DLGAP2: variants seen among roughly 807,000 people sequenced by gnomAD.
DLGAP2 encodes the protein DLG associated protein 2.
DLGAP2 carries 26 observed loss-of-function variants against 100.3 expected under a neutral mutation model. That is an observed-to-expected ratio of 0.26 (90% confidence interval 0.19 to 0.36). The LOEUF is 0.36. Ranked by LOEUF, DLGAP2 falls within the 10% of genes least tolerant of loss-of-function variation. DLGAP2 has a pLI of 1.00. For synonymous variants in DLGAP2, 886 were observed against 630.1 expected, an observed-to-expected ratio of 1.41 and a Z score of -6.08; for missense variants, 1,858 against 1,453.2, an observed-to-expected ratio of 1.28 and a Z score of -4.53.
rs79787380 is a variant in DLGAP2, at chr8:1,618,327, T to C, written c.1443-8413T>C. ...ATTTCTGTAGACCCATAATGAATAATTGGAAAATGCAGTTAGTTTTAAACA... is the reference window on the plus strand; with the variant it reads ...ATTTCTGTAGACCCATAATGAATAACTGGAAAATGCAGTTAGTTTTAAACA... On this transcript the variant is annotated intron_variant, in intron 6 of 14. Transcript: ENST00000637795. Among the ~76,000 whole-genome samples, 1,432 of 152,282 alleles carry C rather than the reference T, an allele frequency of 9.4e-3. 20 individuals carry two copies. Among genetic ancestry groups the C allele is most frequent in the African/African-American group, 0.033 (1,361 of 41,560 alleles).
intron 3 of DLGAP2, among the ~76,000 whole-genome samples, chr8:1,261,121 T>C (rs1799339568): frequency 1.3e-5 from 2 of 151,066 alleles, no homozygotes; most frequent in South Asian, 4.2e-4. Context: ...TCCAGATCTT[T>C]AAAACCAGAC....
chr8:1,330,118 G>A (rs985896906), intron 3 of DLGAP2, among the ~76,000 whole-genome samples: 2 of 152,210 alleles, frequency 1.3e-5, no homozygotes, highest in African/African-American at 2.4e-5. Flanking sequence ...TTGCCCCTGC[G>A]AGAGGTGTGG....
At chr8:1,304,932 G>C (rs1338348040) in intron 3 of DLGAP2, among the ~76,000 whole-genome samples, 1 of 152,188 alleles carries the variant, frequency 6.6e-6, no homozygotes, top group East Asian at 1.9e-4. Context: ...TCGTGCATAA[G>C]GTAATCATAT....
chr8:848,764 G>A (rs1357530664), intron 1 of DLGAP2, among the ~76,000 whole-genome samples: 2 of 147,300 alleles, frequency 1.4e-5, no homozygotes, highest in African/African-American at 5.1e-5. Flanking sequence ...GTCGTGCGGT[G>A]CGTGTTCCAG....
At chr8:816,891 C>T (rs1796490282) in intron 1 of DLGAP2, among the ~76,000 whole-genome samples, 1 of 152,172 alleles carries the variant, frequency 6.6e-6, no homozygotes, top group South Asian at 2.1e-4. Context: ...TCCCAAACTT[C>T]TTAGAGGCTT....
rs2130903343 is a variant in DLGAP2, at chr8:1,706,692, ATGAGGAGAT to A, written c.*5287_*5295del. 1 of 152,334 alleles carries A rather than the reference ATGAGGAGAT, an allele frequency of 6.6e-6. No individual in the cohort carries two copies. The highest frequency in any genetic ancestry group is 1.9e-4 in the East Asian group (1 of 5,184). 9.4% of individuals were successfully genotyped at this position (152,334 alleles called of 1,614,324 possible). ...TAAGCTCAATCGCCTCTTAGATGAA[ATGAGGAGAT>A]AAACTAAACATTAAAATGATGAAGG... On this transcript the variant is annotated 3_prime_UTR_variant, in exon 15 of 15. Transcript: ENST00000637795.
chr8:1,044,009 C>T (rs139849510), intron 2 of DLGAP2, among the ~76,000 whole-genome samples: 35 of 152,158 alleles, frequency 2.3e-4, no homozygotes, highest in East Asian at 7.8e-4. Flanking sequence ...TCCCAAAGGA[C>T]GGAGCACAAA....
intron 3 of DLGAP2, among the ~76,000 whole-genome samples, chr8:1,411,833 G>GCT (rs1434321720): frequency 6.6e-6 from 1 of 152,198 alleles, no homozygotes; most frequent in Non-Finnish European, 1.5e-5. Flanking sequence ...TCCCTAATCA[G>GCT]CTCTGCCCTC....
chr8:1,433,290 G>A (rs1243704115), intron 3 of DLGAP2, among the ~76,000 whole-genome samples: 1 of 152,198 alleles, frequency 6.6e-6, no homozygotes, highest in Non-Finnish European at 1.5e-5. Flanking sequence ...TACATGTTCC[G>A]AAACAACCCC....
At chr8:1,297,465 C>A (rs527478324) in intron 3 of DLGAP2, among the ~76,000 whole-genome samples, 1 of 151,834 alleles carries the variant, frequency 6.6e-6, no homozygotes, top group South Asian at 2.1e-4. Context: ...AGGTGGCATG[C>A]GTGAACAGAC....
chr8:1,534,040 ATTC>A (rs1398165208), intron 4 of DLGAP2, among the ~76,000 whole-genome samples: 2 of 152,194 alleles, frequency 1.3e-5, no homozygotes, highest in African/African-American at 4.8e-5. Flanking sequence ...TAAAACAAGC[ATTC>A]TTCTTTTGCT....
chr8:1,254,489 C>G (rs1448372477), intron 2 of DLGAP2, among the ~76,000 whole-genome samples: 3 of 152,086 alleles, frequency 2.0e-5, no homozygotes, highest in Non-Finnish European at 2.9e-5. Context: ...TCCTCGGAGC[C>G]TCTAGTTTGG....
rs1183165121 is a variant in DLGAP2 at position 1,384,469 on chromosome 8, C to T, written c.107-116897C>T. Among the ~76,000 whole-genome samples, 4 of 78,404 alleles carry T rather than the reference C, an allele frequency of 5.1e-5. 1 individual carries two copies. In the South Asian group the frequency reaches 1.9e-3, roughly 38 times the overall value. The allele number at this position is 78,404 out of a possible 152,430, so 51.4% of individuals were successfully genotyped here. A position where few individuals can be genotyped will look rare whatever the true frequency, so the allele number is the denominator to read the frequency against. ...GTGCACAGTTACCCCGGCCTGTGCC[C>T]GGCCCCTGAGAACTTGGTGCACAGT... On this transcript the variant is annotated intron_variant, in intron 3 of 14. Transcript: ENST00000637795.
chr8:783,220 A>G (rs1261099168), intron 1 of DLGAP2, among the ~76,000 whole-genome samples: 5 of 152,228 alleles, frequency 3.3e-5, no homozygotes, highest in Admixed American at 1.3e-4. Flanking sequence ...GAGGAATGTA[A>G]GAATCAAACA....
chr8:1,191,640 G>T (rs10046607), intron 2 of DLGAP2, among the ~76,000 whole-genome samples: 116,375 of 152,028 alleles, frequency 0.77, 44,638 homozygotes, highest in Admixed American at 0.79. Flanking sequence ...GTTCTCTGTT[G>T]CAATGAGCAG....
Position 827,047 on chromosome 8 carries a change from G to A in DLGAP2, c.19-80865G>A, listed in dbSNP as rs73181042. Among the ~76,000 whole-genome samples, 1,418 of 152,208 alleles carry A rather than the reference G, an allele frequency of 9.3e-3. 5 individuals carry two copies. Among genetic ancestry groups the A allele is most frequent in the Non-Finnish European group, 0.013 (915 of 68,008 alleles). ...CTCAAATGGGGGCAGTTTTGTCCCC[G>A]GGGACATTTGGCAATATGGGGAGAC... On this transcript the variant is annotated intron_variant, in intron 1 of 14. Transcript: ENST00000637795.
chr8:1,242,625 C>T (rs549045737), intron 2 of DLGAP2, among the ~76,000 whole-genome samples: 9 of 152,322 alleles, frequency 5.9e-5, no homozygotes, highest in Non-Finnish European at 8.8e-5. Flanking sequence ...CACTTGTTGC[C>T]GTTGACCTTG....
At chr8:1,169,278 A>G (rs895595894) in intron 2 of DLGAP2, among the ~76,000 whole-genome samples, 4 of 152,194 alleles carry the variant, frequency 2.6e-5, no homozygotes, top group Non-Finnish European at 5.9e-5. Flanking sequence ...TGTTTTGGTT[A>G]CTGTAGCCTT....
At chr8:920,503 C>T (rs1282425773) in intron 2 of DLGAP2, among the ~76,000 whole-genome samples, 1 of 152,202 alleles carries the variant, frequency 6.6e-6, no homozygotes, top group African/African-American at 2.4e-5. Context: ...TGCCTGTAAT[C>T]CCAGCACTTT....
Sources: allele counts gnomAD v4.1 joint callset (sites outside exome capture counted in the v4.1 genomes callset), GRCh38; gene constraint gnomAD v4.1.1; transcripts MANE v1.5; gene names NCBI Gene and HGNC (gene_info 2026-07-23, HGNC 2026-07-21).